Variants in DAB1 observed in about 807,000 individuals in gnomAD.
DAB1 encodes disabled homolog 1.
Under a neutral mutation model 64.6 loss-of-function variants are expected in DAB1, and 15 were observed. The ratio of observed to expected loss-of-function variants is 0.23; its 90% CI spans 0.16 to 0.36. The LOEUF (loss-of-function observed/expected upper bound fraction) is 0.36. DAB1 is among the 10% of genes least tolerant of loss of function. The pLI is 1.00. For missense variants in DAB1, 596 were observed against 706.7 expected (o/e 0.84, Z 1.78); for synonymous variants, 235 against 251.9 (o/e 0.93, Z 0.64).
At chr1:57,427,593 GTAT>G (rs374027509), upstream of DAB1, among the ~76,000 whole-genome samples, 69 of 152,242 alleles carry the variant, frequency 4.5e-4, 1 homozygote, top group East Asian at 0.013. Flanking sequence ...CCCATTTTGT[GTAT>G]TATATTTTAT....
In DAB1 at chr1:57,894,199, T is replaced by G. The variant is rs575423288; in HGVS notation, n.388-10037A>C. 3.3e-4 allele frequency among the ~76,000 whole-genome samples: 50 copies of G among 152,314 alleles called. No homozygotes were observed. The Middle Eastern group carries it at 0.01, about 31-fold the overall frequency. On this transcript the variant is annotated intron_variant and non_coding_transcript_variant, in intron 5 of 20. Transcript: ENST00000485760. Reference sequence around the variant, plus strand: ...ACTTGGGCCTCTTCCAAGTGTACTTTCCTTCCTTTTGTTCTTGCTCTAAAG... The same window carrying G: ...ACTTGGGCCTCTTCCAAGTGTACTTGCCTTCCTTTTGTTCTTGCTCTAAAG...
rs529743688 is a variant in DAB1, at chr1:58,326,081, C to T, written n.309+17271G>A. ...TGTCTCCAGGGGACAATGTATTCAG[C>T]TTCGTAATTACGTGCTTCTCCCCAA... On this transcript the variant is annotated intron_variant and non_coding_transcript_variant, in intron 4 of 20. Transcript: ENST00000485760. 2.6e-3 allele frequency among the ~76,000 whole-genome samples: 391 copies of T among 152,296 alleles called. 2 individuals carry two copies. Among genetic ancestry groups the T allele is most frequent in the Middle Eastern group, 6.8e-3 (2 of 294 alleles).
intron 6 of DAB1, among the ~76,000 whole-genome samples, chr1:57,691,092 G>A (rs988595028): frequency 2.0e-5 from 3 of 152,042 alleles, no homozygotes; most frequent in African/African-American, 7.2e-5. Context: ...CCATTCTATT[G>A]AGAGGTGAAG....
At chr1:57,760,654 A>G (rs1409047606) in intron 6 of DAB1, among the ~76,000 whole-genome samples, 1 of 151,346 alleles carries the variant, frequency 6.6e-6, no homozygotes, top group Non-Finnish European at 1.5e-5. Context: ...ACACACACAC[A>G]CACAGACACA....
intron 2 of DAB1, among the ~76,000 whole-genome samples, chr1:57,187,076 A>G (rs909888368): frequency 4.6e-5 from 7 of 152,226 alleles, no homozygotes; most frequent in Non-Finnish European, 1.0e-4. Flanking sequence ...TAGTACTAAA[A>G]CTTCATATTG....
At chr1:57,198,716 A>C (rs1664853542) in intron 2 of DAB1, among the ~76,000 whole-genome samples, 1 of 151,378 alleles carries the variant, frequency 6.6e-6, no homozygotes, top group Non-Finnish European at 1.5e-5. Flanking sequence ...GGGAGAGTAA[A>C]AAAAGGTTTC....
chr1:57,489,738 C>G (rs1644138856), intron 7 of DAB1, among the ~76,000 whole-genome samples: 2 of 152,172 alleles, frequency 1.3e-5, no homozygotes. Flanking sequence ...TGATTAAATA[C>G]TATAATGATA....
intron 6 of DAB1, among the ~76,000 whole-genome samples, chr1:57,796,560 A>C (rs762573368): frequency 3.8e-4 from 51 of 133,184 alleles, no homozygotes; most frequent in Admixed American, 1.2e-3. Flanking sequence ...TAATAATAAT[A>C]ATCATAATCA....
chr1:57,039,632 T>C (rs1455456737), intron 9 of DAB1, among the ~76,000 whole-genome samples: 1 of 152,152 alleles, frequency 6.6e-6, no homozygotes, highest in East Asian at 1.9e-4. Flanking sequence ...CCCTTTCTCC[T>C]TCCCACTCTT....
intron 5 of DAB1, among the ~76,000 whole-genome samples, chr1:57,933,370 G>A (rs116158547): frequency 0.031 from 4,646 of 152,222 alleles, 96 homozygotes; most frequent in East Asian, 0.082. Flanking sequence ...CTTGTTGTTA[G>A]GATAAAGTGG....
chr1:58,126,474 A>T (rs1166539018), intron 5 of DAB1, among the ~76,000 whole-genome samples: 12 of 146,080 alleles, frequency 8.2e-5, no homozygotes, highest in African/African-American at 2.8e-4. Flanking sequence ...TTTTTATTAT[A>T]CTTTAAGTTT....
chr1:57,230,441 A>C (rs1047281136), intron 2 of DAB1, among the ~76,000 whole-genome samples: 1 of 152,128 alleles, frequency 6.6e-6, no homozygotes, highest in Admixed American at 6.6e-5. Flanking sequence ...GAATTACTAA[A>C]ATTAAGTGGT....
intron 9 of DAB1, among the ~76,000 whole-genome samples, chr1:57,048,668 G>A (rs1570590813): frequency 6.6e-6 from 1 of 152,096 alleles, no homozygotes; most frequent in South Asian, 2.1e-4. Context: ...GTTAGTAGGT[G>A]GGGGGGCTTC....
chr1:58,311,996 T>G (rs1306196054), intron 4 of DAB1, among the ~76,000 whole-genome samples: 2 of 152,156 alleles, frequency 1.3e-5, no homozygotes, highest in East Asian at 3.9e-4. Context: ...CAGGTATGGC[T>G]TTCTGTAATA....
intron 6 of DAB1, among the ~76,000 whole-genome samples, chr1:57,806,718 C>T (rs79981349): frequency 0.01 from 1,547 of 152,254 alleles, 14 homozygotes; most frequent in Non-Finnish European, 0.014. Context: ...AATAGTCTTC[C>T]CCCAGTCGCC....
intron 2 of DAB1, among the ~76,000 whole-genome samples, chr1:57,193,379 ATG>A (rs1459242597): frequency 9.8e-5 from 7 of 71,592 alleles, no homozygotes; most frequent in African/African-American, 3.8e-4. Flanking sequence ...TCCGTAGCAT[ATG>A]TTTTTTTTTT....
chr1:58,359,677 G>A (rs575651448), intron 3 of DAB1, among the ~76,000 whole-genome samples: 2 of 152,378 alleles, frequency 1.3e-5, no homozygotes, highest in South Asian at 4.1e-4. Flanking sequence ...AGTTATGATA[G>A]GTAGAGATGA....
intron 5 of DAB1, among the ~76,000 whole-genome samples, chr1:57,896,282 C>T (rs74074583): frequency 0.013 from 2,005 of 152,176 alleles, 48 homozygotes; most frequent in African/African-American, 0.046. Flanking sequence ...AGTCCTATAT[C>T]AGTGCTTAGC....
chr1:57,928,868 G>A (rs1325615073), intron 5 of DAB1, among the ~76,000 whole-genome samples: 1 of 152,128 alleles, frequency 6.6e-6, no homozygotes, highest in Non-Finnish European at 1.5e-5. Context: ...GGACATCTTG[G>A]TTGCAATTAG....
Sources: gnomAD v4.1 joint callset for allele counts (sites outside exome capture counted in the v4.1 genomes callset) on GRCh38, gnomAD v4.1.1 for gene constraint, MANE v1.5 for transcripts, NCBI Gene and HGNC (gene_info 2026-07-23, HGNC 2026-07-21) for gene names.